Variants in NDUFAF2 observed in about 807,000 individuals in gnomAD.
The protein encoded by NDUFAF2 is NADH:ubiquinone oxidoreductase complex assembly factor 2.
In NDUFAF2, 13 loss-of-function variants were observed where a neutral mutation model predicts 22.8. That is an observed-to-expected ratio of 0.57 (90% CI 0.37 to 0.91). The LOEUF is 0.91. Ranked by LOEUF, NDUFAF2 falls within the 40% of genes least tolerant of loss-of-function variation. The pLI is 0.01. For missense variants in NDUFAF2, 162 were observed against 195.2 expected, an observed-to-expected ratio of 0.83 and a Z score of 1.01; for synonymous variants, 53 against 64.2, an observed-to-expected ratio of 0.83 and a Z score of 0.84.
In NDUFAF2 at chr5:61,070,820, C is replaced by T. The variant is rs1197235622; in HGVS notation, c.128-2305C>T. Among the ~76,000 whole-genome samples, 3 of 152,092 alleles carry T rather than the reference C, an allele frequency of 2.0e-5. No individual in the cohort carries two copies. The East Asian group carries it at 5.8e-4, about 29-fold the overall frequency. ...GTCTATCCTCTCCCCATGTGCTAAA[C>T]TTTATGGATGTACATTTAAAAACTT... On this transcript the variant is annotated intron_variant, in intron 1 of 3. Transcript: ENST00000296597.
intron 1 of NDUFAF2, among the ~76,000 whole-genome samples, chr5:61,008,788 A>G (rs969268496): frequency 1.3e-5 from 2 of 152,032 alleles, no homozygotes; most frequent in Non-Finnish European, 2.9e-5. Context: ...TCTTTCTATT[A>G]TCTCTTCCAT....
At chr5:61,033,679 C>T (rs1751756744) in intron 1 of NDUFAF2, among the ~76,000 whole-genome samples, 3 of 152,006 alleles carry the variant, frequency 2.0e-5, no homozygotes, top group Non-Finnish European at 4.4e-5. Context: ...TAACGTTAAA[C>T]TCTCCTTAGG....
intron 2 of NDUFAF2, among the ~76,000 whole-genome samples, chr5:61,074,834 A>C (rs1215927431): frequency 3.9e-5 from 6 of 152,200 alleles, no homozygotes; most frequent in Non-Finnish European, 8.8e-5. Flanking sequence ...ATTGACTCAC[A>C]GCTCCGCATA....
chr5:61,014,603 A>G (rs922240909), intron 1 of NDUFAF2, among the ~76,000 whole-genome samples: 1 of 152,168 alleles, frequency 6.6e-6, no homozygotes, highest in African/African-American at 2.4e-5. Context: ...TGAAGTACCA[A>G]TAGTCTTGGG....
At chr5:61,138,410 T>C (rs1740995826) in intron 3 of NDUFAF2, among the ~76,000 whole-genome samples, 1 of 152,170 alleles carries the variant, frequency 6.6e-6, no homozygotes, top group South Asian at 2.1e-4. Flanking sequence ...TAAGTAAATG[T>C]ATACAGTTGC....
At chr5:61,111,184 A>G (rs1358073120) in intron 3 of NDUFAF2, among the ~76,000 whole-genome samples, 4 of 152,202 alleles carry the variant, frequency 2.6e-5, no homozygotes, top group Non-Finnish European at 5.9e-5. Flanking sequence ...GATACTCGAG[A>G]TAATTTCAAC....
At chr5:61,052,286 A>G (rs1401881809) in intron 1 of NDUFAF2, among the ~76,000 whole-genome samples, 1 of 152,096 alleles carries the variant, frequency 6.6e-6, no homozygotes, top group East Asian at 1.9e-4. Context: ...TCCTGGTCCT[A>G]TAAGAGAAAA....
At chr5:61,070,478 T>A (rs1469752423) in intron 1 of NDUFAF2, among the ~76,000 whole-genome samples, 3 of 152,088 alleles carry the variant, frequency 2.0e-5, no homozygotes. Context: ...TTATTTTATA[T>A]TACTAAAGAT....
At chr5:60,945,518 G>A in intron 1 of NDUFAF2, 136 bp downstream of exon 1, 1 of 1,300,342 alleles carries the variant, frequency 7.7e-7, no homozygotes, top group South Asian at 1.2e-5. Flanking sequence ...TCCCGAGTTC[G>A]TTCTCCCCTG....
At position 60,964,406 on chromosome 5, in the gene NDUFAF2, G is replaced by C. The variant is rs113609314; in HGVS notation, c.127+19024G>C. Among the ~76,000 whole-genome samples the C allele has an allele frequency of 5.8e-4, 87 of 151,208 alleles. 1 individual carries two copies. Among genetic ancestry groups the C allele is most frequent in the African/African-American group, 2.0e-3 (84 of 41,184 alleles). ...TATTACCTCATAATTTTTTTTTGTG[G>C]TGAGAACACTTAAAATCTCTCTTAG... is the stretch of plus-strand genomic sequence containing the variant. On this transcript the variant is annotated intron_variant, in intron 1 of 3. Transcript: ENST00000296597.
intron 1 of NDUFAF2, among the ~76,000 whole-genome samples, chr5:60,991,631 G>A (rs1017646753): frequency 6.6e-6 from 1 of 152,160 alleles, no homozygotes; most frequent in Non-Finnish European, 1.5e-5. Flanking sequence ...GCAAATGACA[G>A]TATCACCTTT....
At chr5:61,147,551 G>T (rs1190859737) in intron 3 of NDUFAF2, among the ~76,000 whole-genome samples, 1 of 148,182 alleles carries the variant, frequency 6.7e-6, no homozygotes, top group African/African-American at 2.5e-5. Context: ...TAGGATTACA[G>T]GCGTGAGCCA....
chr5:60,969,139 A>G (rs1421815731), intron 1 of NDUFAF2, among the ~76,000 whole-genome samples: 1 of 152,042 alleles, frequency 6.6e-6, no homozygotes, highest in Non-Finnish European at 1.5e-5. Flanking sequence ...TTGCTTCCAA[A>G]TCTTCATTAT....
chr5:61,049,718 A>G (rs933970998), intron 1 of NDUFAF2, among the ~76,000 whole-genome samples: 1 of 152,090 alleles, frequency 6.6e-6, no homozygotes. Flanking sequence ...TTCACTTAGC[A>G]TAATGTCCTC....
intron 1 of NDUFAF2, among the ~76,000 whole-genome samples, chr5:61,065,311 T>G (rs1216247526): frequency 6.6e-6 from 1 of 152,098 alleles, no homozygotes; most frequent in African/African-American, 2.4e-5. Context: ...TAAACTCTTC[T>G]GAAAAATAGA....
chr5:61,099,947 T>C (rs1752686722), intron 3 of NDUFAF2, among the ~76,000 whole-genome samples: 1 of 152,194 alleles, frequency 6.6e-6, no homozygotes, highest in Admixed American at 6.6e-5. Context: ...GGCATGCTTA[T>C]GTTTATTTGC....
chr5:61,056,038 T>G (rs927436012), intron 1 of NDUFAF2, among the ~76,000 whole-genome samples: 1 of 152,200 alleles, frequency 6.6e-6, no homozygotes, highest in African/African-American at 2.4e-5. Context: ...TATTGACACG[T>G]TGCTAAATTA....
chr5:61,053,939 A>C (rs766667033), intron 1 of NDUFAF2, among the ~76,000 whole-genome samples: 2 of 152,204 alleles, frequency 1.3e-5, no homozygotes, highest in Admixed American at 6.5e-5. Flanking sequence ...ACAATTAAAA[A>C]TTTTAATTTT....
intron 3 of NDUFAF2, among the ~76,000 whole-genome samples, chr5:61,128,483 GA>G (rs1481993426): frequency 6.6e-6 from 1 of 152,110 alleles, no homozygotes; most frequent in East Asian, 1.9e-4. Context: ...AGAGCCCTCA[GA>G]AATAATACCA....
Sources: allele counts gnomAD v4.1 joint callset (sites outside exome capture counted in the v4.1 genomes callset), GRCh38; gene constraint gnomAD v4.1.1; transcripts MANE v1.5; gene names NCBI Gene and HGNC (gene_info 2026-07-23, HGNC 2026-07-21).